The following SAFB2 variants were observed in gnomAD, a reference collection of about 807,000 sequenced individuals.
The protein encoded by SAFB2 is scaffold attachment factor B2.
Under a neutral mutation model 100.6 loss-of-function variants are expected in SAFB2, and 32 were observed. That is an observed-to-expected ratio of 0.32 (90% CI 0.24 to 0.43). The LOEUF (loss-of-function observed/expected upper bound fraction) is 0.43, where lower values mean the gene tolerates loss of function less well. Ranked by LOEUF, SAFB2 falls within the 20% of genes least tolerant of loss-of-function variation. The pLI is 1.00. For synonymous variants in SAFB2, 500 were observed against 439.4 expected, an observed-to-expected ratio of 1.14 and a Z score of -1.72; for missense variants, 1,185 against 1,163.4, an observed-to-expected ratio of 1.02 and a Z score of -0.27.
At chr19:5,622,776 TG>T, upstream of SAFB2, 1 of 1,523,946 alleles carries the variant, frequency 6.6e-7, no homozygotes, top group Non-Finnish European at 8.8e-7. Context: ...ATAGCGGCTC[TG>T]AACACAAAAT....
At chr19:5,602,245 A>G (rs1476050707) in intron 11 of SAFB2, among the ~76,000 whole-genome samples, 1 of 152,096 alleles carries the variant, frequency 6.6e-6, no homozygotes, top group African/African-American at 2.4e-5. Context: ...TGGGAGGCTG[A>G]GGTGGGTGGA....
chr19:5,602,955 T>C (rs2145336403), intron 11 of SAFB2, among the ~76,000 whole-genome samples: 1 of 115,716 alleles, frequency 8.6e-6, no homozygotes. Flanking sequence ...CATCTGACAC[T>C]CATTACTCAG....
intron 4 of SAFB2, 176 bp downstream of exon 4, chr19:5,615,956 A>G (rs954533187): frequency 2.3e-5 from 14 of 610,272 alleles, no homozygotes; most frequent in Non-Finnish European, 4.0e-5. Context: ...AAAGCTATCT[A>G]TGAGTAAATC....
intron 9 of SAFB2, among the ~76,000 whole-genome samples, chr19:5,608,075 C>G (rs192621520): frequency 2.4e-3 from 373 of 152,348 alleles, no homozygotes; most frequent in African/African-American, 8.7e-3. Context: ...GCCATCCGCC[C>G]TGGAGGCTCT....
At chr19:5,591,881 T>C in intron 16 of SAFB2, 88 bp from the exon 17 acceptor site, 2 of 1,246,254 alleles carry the variant, frequency 1.6e-6, no homozygotes, top group Non-Finnish European at 2.4e-6. Context: ...TGGGATACTT[T>C]TTCCATCCCA....
At position 5,595,377 on chromosome 19, in the gene SAFB2, C is replaced by T. The variant is rs766256654; in HGVS notation, c.1903G>A (p.Glu635Lys). ...RQRQREREIR[E>K]TERRREREQR... is the part of the protein sequence containing the mutation. ...TCCACTCACCGCCGCCTCTCCGTTT[C>T]GCGGATCTCCCGTTCCCGCTGCCTC... Residue 635 changes from glutamate (E) to lysine (K), a missense_variant, in exon 14 of 21, where the codon GAA (glutamate) becomes AAA (lysine). This residue lies in a region of SAFB2 where 740 missense variants were observed against 687.1 expected (regional missense o/e 1.08). Coordinates refer to ENST00000252542, the MANE Select transcript of SAFB2 (RefSeq NM_014649.3). The T allele has an allele frequency of 1.2e-6, 2 of 1,611,352 alleles. No individual in the cohort carries two copies. The highest frequency in any genetic ancestry group is 1.7e-6 in the Non-Finnish European group (2 of 1,179,920).
rs116334849 is a variant in SAFB2, at chr19:5,599,426, T to A, written c.1691-542A>T. Among the ~76,000 whole-genome samples the A allele has an allele frequency of 2.8e-3, 421 of 152,324 alleles. 1 individual carries two copies. Among genetic ancestry groups the A allele is most frequent in the African/African-American group, 9.4e-3 (392 of 41,570 alleles). On this transcript the variant is annotated intron_variant, in intron 12 of 20. Coordinates refer to ENST00000252542, the MANE Select transcript of SAFB2 (RefSeq NM_014649.3). The stretch of plus-strand genomic sequence containing the variant: ...GAACAATGACTTATTTGGGGAGATT[T>A]ATAATACTTGAGGAACATTTTAAAA...
intron 17 of SAFB2, 127 bp downstream of exon 17, chr19:5,591,621 T>TAC (rs1346849151): frequency 2.5e-6 from 2 of 811,904 alleles, no homozygotes; most frequent in African/African-American, 3.4e-5. Flanking sequence ...CACACTTGCA[T>TAC]ACCCGCCACA....
intron 11 of SAFB2, among the ~76,000 whole-genome samples, chr19:5,600,821 G>T (rs2052640344): frequency 6.6e-6 from 1 of 152,168 alleles, no homozygotes. Flanking sequence ...AGTGAATACG[G>T]GAAGGTGTTA....
chr19:5,610,591 A>C (rs1263117227), intron 8 of SAFB2, 48 bp downstream of exon 8: 1 of 1,410,416 alleles, frequency 7.1e-7, no homozygotes, highest in Non-Finnish European at 9.9e-7. Context: ...CTCCTCCCAA[A>C]ATAAGGGAAC....
At position 5,622,684 on chromosome 19, in the gene SAFB2, G is replaced by A. The variant is rs1205312786; in HGVS notation, c.32C>T (p.Ser11Leu). Residue 11 changes from serine (S) to leucine (L), a missense_variant, in exon 1 of 21, where the codon TCG becomes TTG. Transcript: ENST00000252542. ...GCCGAGAGAAGCCGTGCCAGGGCCC[G>A]AGTCGCCCGACCCGGGCAGAGTCTC... MAETLPGSGD[S>L]GPGTASLGPG... The A allele has an allele frequency of 1.1e-5, 17 of 1,606,634 alleles. No individual in the cohort carries two copies. The Middle Eastern group carries it at 4.9e-4, about 47-fold the overall frequency.
intron 13 of SAFB2, among the ~76,000 whole-genome samples, chr19:5,597,045 T>C (rs1047840140): frequency 6.6e-6 from 1 of 152,134 alleles, no homozygotes; most frequent in Admixed American, 6.5e-5. Context: ...TGGCAAGCTT[T>C]GCCTACGAGA....
At chr19:5,614,405 C>A (rs903736669) in intron 4 of SAFB2, among the ~76,000 whole-genome samples, 8 of 152,190 alleles carry the variant, frequency 5.3e-5, no homozygotes, top group African/African-American at 1.7e-4. Flanking sequence ...CAAATATTTT[C>A]TTTTTTCCTT....
rs1209000161 is a variant in SAFB2, at chr19:5,594,164, C to G, written c.1934G>C (p.Arg645Pro). 2 of 1,595,524 alleles carry G rather than the reference C, an allele frequency of 1.3e-6. No homozygotes were observed. Among genetic ancestry groups the G allele is most frequent in the Non-Finnish European group, 1.7e-6 (2 of 1,176,850 alleles). Residue 645 changes from arginine (R) to proline (P), a missense_variant, in exon 15 of 21, where the codon CGG becomes CCG. By Grantham distance (103) the Arg-to-Pro change is moderately radical. Transcript: ENST00000252542. ...GGCCTCGAGGCGTTGCTCCCGCTCCCGCTGCTCGCGCTCCCTGCGGGGACA... is the reference window on the plus strand; with the variant it reads ...GGCCTCGAGGCGTTGCTCCCGCTCCGGCTGCTCGCGCTCCCTGCGGGGACA... ...ETERRREREQ[R>P]EREQRLEAFH...
intron 13 of SAFB2, among the ~76,000 whole-genome samples, chr19:5,596,364 G>C (rs776133258): frequency 6.6e-6 from 1 of 152,134 alleles, no homozygotes; most frequent in Non-Finnish European, 1.5e-5. Context: ...TTTTTTGTAG[G>C]TTTTTTGGGT....
At chr19:5,616,547 T>C (rs374661570) in intron 2 of SAFB2, 61 bp from the exon 3 acceptor site, 3 of 1,383,762 alleles carry the variant, frequency 2.2e-6, no homozygotes, top group South Asian at 1.2e-5. Flanking sequence ...AATTAGTTTA[T>C]GCAGAATAGA....
chr19:5,608,012 C>A (rs2052813779), intron 9 of SAFB2, among the ~76,000 whole-genome samples: 1 of 152,188 alleles, frequency 6.6e-6, no homozygotes, highest in Non-Finnish European at 1.5e-5. Context: ...CAGACAAAAC[C>A]CAAATGAGAG....
chr19:5,606,996 T>C (rs1413327553), intron 9 of SAFB2, among the ~76,000 whole-genome samples: 2 of 152,168 alleles, frequency 1.3e-5, no homozygotes, highest in African/African-American at 4.8e-5. Flanking sequence ...GCGTGGTGGC[T>C]CACGCCTGTA....
At chr19:5,608,556 A>G (rs1001284647) in intron 9 of SAFB2, among the ~76,000 whole-genome samples, 3 of 152,256 alleles carry the variant, frequency 2.0e-5, no homozygotes, top group African/African-American at 7.2e-5. Flanking sequence ...CTTCTTAAGC[A>G]ATGAAACATT....
Sources: allele counts gnomAD v4.1 joint callset (sites outside exome capture counted in the v4.1 genomes callset), GRCh38; gene constraint gnomAD v4.1.1; regional missense constraint gnomAD v4.1.1; transcripts MANE v1.5; gene names NCBI Gene and HGNC (gene_info 2026-07-23, HGNC 2026-07-21).